The following GLTP variants were observed in gnomAD, a reference collection of about 807,000 sequenced individuals.
The protein encoded by GLTP is glycolipid transfer protein.
GLTP carries 22 observed loss-of-function variants against 24.0 expected under a neutral mutation model. The ratio of observed to expected loss-of-function variants is 0.92; its 90% CI spans 0.65 to 1.31. The LOEUF (loss-of-function observed/expected upper bound fraction) is 1.31, where lower values mean the gene tolerates loss of function less well. Ranked by LOEUF, GLTP falls within the 50% of genes most tolerant of loss-of-function variation. The pLI is 0.00. For missense variants in GLTP, 224 were observed against 276.6 expected, an observed-to-expected ratio of 0.81 and a Z score of 1.35; for synonymous variants, 92 against 115.9, an observed-to-expected ratio of 0.79 and a Z score of 1.33.
At chr12:109,859,194 A>C (rs1424760331) in intron 1 of GLTP, among the ~76,000 whole-genome samples, 1 of 152,158 alleles carries the variant, frequency 6.6e-6, no homozygotes, top group Non-Finnish European at 1.5e-5. Flanking sequence ...AGCTGGGAAT[A>C]CAGGCACGCA....
Position 109,855,726 on chromosome 12 carries a change from C to T in GLTP, c.340G>A (p.Gly114Arg), listed in dbSNP as rs761329115. ...IQVFLQSICD[G>R]ERDENHPNLI... ...TTGGGGTGGTTCTCGTCCCGCTCCC[C>T]GTCGCAGATGCTCTGGAGGAAGACC... The change falls in exon 4 of 5, where the codon GGG becomes AGG. Residue 114 changes from glycine to arginine, a missense_variant. By Grantham distance (125) the Gly-to-Arg change is moderately radical. Transcript: ENST00000318348. This position sits in a 1 kb window ranked among gnomAD's most constrained non-coding sequence, Gnocchi z 4.1. 59 of 1,607,816 alleles carry T rather than the reference C, an allele frequency of 3.7e-5. No homozygotes were observed. Among genetic ancestry groups the T allele is most frequent in the Middle Eastern group, 3.3e-4 (2 of 6,052 alleles).
At position 109,857,593 on chromosome 12, in the gene GLTP, C is replaced by T; in HGVS notation, c.229G>A (p.Glu77Lys). ...CACTCTGCTCCATACATTTCTTTCTCCACCTCCAGGATGTTCTGCAGGGTC... is the reference window on the plus strand; with the variant it reads ...CACTCTGCTCCATACATTTCTTTCTTCACCTCCAGGATGTTCTGCAGGGTC... The part of the protein sequence containing the change: ...FRTLQNILEV[E>K]KEMYGAEWPK... The change falls in exon 3 of 5, where the codon GAG (glutamate) becomes AAG (lysine). Residue 77 changes from glutamate to lysine, a missense_variant. Glu to Lys is a moderately conservative substitution (Grantham distance 56). Coordinates refer to ENST00000318348, the MANE Select transcript of GLTP (RefSeq NM_016433.4). The surrounding 1 kb of genome is among the most constrained non-coding windows in gnomAD (Gnocchi z 4.3). 1.2e-6 allele frequency: 2 copies of T among 1,614,106 alleles called. No homozygotes were observed. The highest frequency in any genetic ancestry group is 1.7e-6 in the Non-Finnish European group (2 of 1,179,944).
chr12:109,868,686 T>TG lies in GLTP; in HGVS notation c.104-9946dup, dbSNP rs199825664. ...GTGTCGTGATGCTACAAGCCTGGTGTGGGGAGGTTCTATTGCAAATTCAAT... is the reference window on the plus strand; with the variant it reads ...GTGTCGTGATGCTACAAGCCTGGTGTGGGGGAGGTTCTATTGCAAATTCAAT... On this transcript the variant is annotated intron_variant, in intron 1 of 4. Transcript: ENST00000318348. Among the ~76,000 whole-genome samples, 191 of 152,254 alleles carry TG rather than the reference T, an allele frequency of 1.3e-3. 1 individual carries two copies. The highest frequency in any genetic ancestry group is 3.9e-3 in the African/African-American group (164 of 41,548).
chr12:109,854,744 T>C (rs144074033), intron 4 of GLTP, among the ~76,000 whole-genome samples: 135 of 152,286 alleles, frequency 8.9e-4, no homozygotes, highest in African/African-American at 3.0e-3. Flanking sequence ...ACTGTGGAGC[T>C]CTCGAGGGGC....
At chr12:109,870,580 T>C (rs1429058852) in intron 1 of GLTP, among the ~76,000 whole-genome samples, 2 of 152,108 alleles carry the variant, frequency 1.3e-5, no homozygotes, top group East Asian at 3.8e-4. Flanking sequence ...AGCTTTTCTT[T>C]AGAGAGGAAA....
rs565698075 is a variant in GLTP at position 109,855,113 on chromosome 12, C to T, written c.447+506G>A. ...GTCCGCCTGGTGATCAACTGTAGGG[C>T]CCTCACCTAACCAGGCAGGTGCTGA... is the stretch of plus-strand genomic sequence containing the variant. On this transcript the variant is annotated intron_variant, in intron 4 of 4. Coordinates refer to ENST00000318348, the MANE Select transcript of GLTP (RefSeq NM_016433.4). The surrounding 1 kb of genome is among the most constrained non-coding windows in gnomAD (Gnocchi z 4.1). Among the ~76,000 whole-genome samples the T allele has an allele frequency of 1.4e-3, 212 of 152,324 alleles. No homozygotes were observed. Among genetic ancestry groups the T allele is most frequent in the East Asian group, 1.5e-3 (8 of 5,172 alleles).
rs146246387 is a variant in GLTP at position 109,856,617 on chromosome 12, T to G, written c.297-848A>C. 2.2e-3 allele frequency among the ~76,000 whole-genome samples: 333 copies of G among 152,256 alleles called. 2 individuals are homozygous for G. Among genetic ancestry groups the G allele is most frequent in the African/African-American group, 7.3e-3 (303 of 41,546 alleles). On this transcript the variant is annotated intron_variant, in intron 3 of 4. Transcript: ENST00000318348. Reference sequence around the variant, plus strand: ...ACTGGGGTCCCCAGATGAGCTGCTCTGCTCCCTCCCTGCAGTGGGGTGGGG... The same window carrying G: ...ACTGGGGTCCCCAGATGAGCTGCTCGGCTCCCTCCCTGCAGTGGGGTGGGG...
At position 109,857,411 on chromosome 12, in the gene GLTP, C is replaced by G; in HGVS notation, c.296+115G>C. ...TTCCCAGCCATTAACTAGCATCACACTGGAAGGGCTCGGAAGTGACCTTCC... is the reference window on the plus strand; with the variant it reads ...TTCCCAGCCATTAACTAGCATCACAGTGGAAGGGCTCGGAAGTGACCTTCC... On this transcript the variant is annotated intron_variant, in intron 3 of 4. Transcript: ENST00000318348. This position sits in a 1 kb window ranked among gnomAD's most constrained non-coding sequence, Gnocchi z 4.3. 3 of 1,200,998 alleles carry G rather than the reference C, an allele frequency of 2.5e-6. No individual in the cohort carries two copies. The highest frequency in any genetic ancestry group is 3.6e-6 in the Non-Finnish European group (3 of 843,524). 74.4% of individuals were successfully genotyped at this position (1,200,998 alleles called of 1,614,324 possible).
intron 1 of GLTP, among the ~76,000 whole-genome samples, chr12:109,875,702 C>T (rs1222108075): frequency 8.5e-5 from 13 of 152,164 alleles, no homozygotes; most frequent in Admixed American, 8.5e-4. Context: ...ACCTGTACAA[C>T]TGGGAGATTC....
Position 109,879,800 on chromosome 12 carries a change from A to C in GLTP, c.103+472T>G, listed in dbSNP as rs549505085. On this transcript the variant is annotated intron_variant, in intron 1 of 4. Coordinates refer to ENST00000318348, the MANE Select transcript of GLTP (RefSeq NM_016433.4). ...AGGGTTTGTAGGTCCCATGAGGGAG[A>C]GGCTGGAAGCGTTCAAAGAGAAGGC... Among the ~76,000 whole-genome samples the C allele has an allele frequency of 3.3e-5, 5 of 152,188 alleles. No individual in the cohort carries two copies. The South Asian group carries it at 1.0e-3, about 32-fold the overall frequency.
chr12:109,851,015 A>C lies in GLTP; in HGVS notation c.*1540T>G, dbSNP rs1356607105. The stretch of plus-strand genomic sequence containing the variant: ...GCATAAAAATCTCCAATTGTTCCTC[A>C]TTGGGTTTTTTCTTTTAAAACACAC... On this transcript the variant is annotated 3_prime_UTR_variant, in exon 5 of 5. Transcript: ENST00000318348. The C allele has an allele frequency of 6.6e-6, 1 of 152,556 alleles. No homozygotes were observed. The highest frequency in any genetic ancestry group is 2.4e-5 in the African/African-American group (1 of 41,440). 9.5% of individuals were successfully genotyped at this position (152,556 alleles called of 1,614,324 possible).
chr12:109,854,535 G>A (rs531045327), intron 4 of GLTP, among the ~76,000 whole-genome samples: 2 of 152,134 alleles, frequency 1.3e-5, no homozygotes, highest in Admixed American at 6.6e-5. Flanking sequence ...CAGGGAGGTA[G>A]GATCACAGCC....
chr12:109,860,440 C>T, intron 1 of GLTP: 1 of 205,454 alleles, frequency 4.9e-6, no homozygotes, highest in Non-Finnish European at 1.0e-5. Flanking sequence ...TTTTTAAAGA[C>T]AGGGTCCTTT....
At position 109,855,873 on chromosome 12, in the gene GLTP, G is replaced by C. The variant is rs3782893; in HGVS notation, c.297-104C>G. On this transcript the variant is annotated intron_variant, in intron 3 of 4. Coordinates refer to ENST00000318348, the MANE Select transcript of GLTP (RefSeq NM_016433.4). This position sits in a 1 kb window ranked among gnomAD's most constrained non-coding sequence, Gnocchi z 4.1. ...CCACCTACTGTGAGCCAGGAACATG[G>C]GCGCCCCAGAGGGAGTGGTTATTCC... The C allele has an allele frequency of 0.55, 487,610 of 886,936 alleles. 138,647 individuals carry two copies. Among genetic ancestry groups the C allele is most frequent in the Admixed American group, 0.68 (23,789 of 35,036 alleles). The allele number at this position is 886,936 out of a possible 1,614,324, so 54.9% of individuals were successfully genotyped here.
In GLTP at chr12:109,855,077, T is replaced by C. The variant is rs1383754938; in HGVS notation, c.447+542A>G. On this transcript the variant is annotated intron_variant, in intron 4 of 4. Coordinates refer to ENST00000318348, the MANE Select transcript of GLTP (RefSeq NM_016433.4). This position sits in a 1 kb window ranked among gnomAD's most constrained non-coding sequence, Gnocchi z 4.1. Reference sequence around the variant, plus strand: ...AGCCGGAGGGCCTTCGCAAGTCTCCTGAGCAGGGCTGTCCGCCTGGTGATC... The same window carrying C: ...AGCCGGAGGGCCTTCGCAAGTCTCCCGAGCAGGGCTGTCCGCCTGGTGATC... 6.6e-6 allele frequency among the ~76,000 whole-genome samples: 1 copy of C among 152,184 alleles called. No homozygotes were observed.
rs1368989203 is a variant in GLTP, at chr12:109,855,045, G to A, written c.447+574C>T. Reference sequence around the variant, plus strand: ...GCAAGCAGCAGGTGAAGGGCATGGCGCAGGGCAGCCGGAGGGCCTTCGCAA... The same window carrying A: ...GCAAGCAGCAGGTGAAGGGCATGGCACAGGGCAGCCGGAGGGCCTTCGCAA... On this transcript the variant is annotated intron_variant, in intron 4 of 4. Coordinates refer to ENST00000318348, the MANE Select transcript of GLTP (RefSeq NM_016433.4). This position sits in a 1 kb window ranked among gnomAD's most constrained non-coding sequence, Gnocchi z 4.1. Among the ~76,000 whole-genome samples the A allele has an allele frequency of 1.3e-5, 2 of 152,202 alleles. No homozygotes were observed. The highest frequency in any genetic ancestry group is 2.4e-5 in the African/African-American group (1 of 41,464).
Position 109,852,463 on chromosome 12 carries a change from G to T in GLTP, c.*92C>A. The T allele has an allele frequency of 1.2e-6, 1 of 828,446 alleles. No homozygotes were observed. Among genetic ancestry groups the T allele is most frequent in the Non-Finnish European group, 2.1e-6 (1 of 486,858 alleles). The allele number at this position is 828,446 out of a possible 1,614,324, so 51.3% of individuals were successfully genotyped here. ...GGGCTGCTCTGGGGGACACAGGCCA[G>T]GGGCAGTTCACCGACTTGATTCACA... On this transcript the variant is annotated 3_prime_UTR_variant, in exon 5 of 5. Coordinates refer to ENST00000318348, the MANE Select transcript of GLTP (RefSeq NM_016433.4).
chr12:109,862,828 G>A (rs1272142824), intron 1 of GLTP, among the ~76,000 whole-genome samples: 1 of 152,118 alleles, frequency 6.6e-6, no homozygotes, highest in Non-Finnish European at 1.5e-5. Flanking sequence ...GAGGCGGGTG[G>A]ATCACCTGAG....
At chr12:109,853,611 C>T in intron 4 of GLTP, among the ~76,000 whole-genome samples, 1 of 150,990 alleles carries the variant, frequency 6.6e-6, no homozygotes, top group Non-Finnish European at 1.5e-5. Context: ...TTGCTTGAAC[C>T]CGGGAGGCAG....
Sources: gnomAD v4.1 joint callset for allele counts (sites outside exome capture counted in the v4.1 genomes callset) on GRCh38, gnomAD v4.1.1 for gene constraint, Gnocchi (gnomAD v3.1) non-coding constraint, MANE v1.5 for transcripts, NCBI Gene and HGNC (gene_info 2026-07-23, HGNC 2026-07-21) for gene names.